Variants in IQGAP1 observed in about 807,000 individuals in gnomAD.
The protein encoded by IQGAP1 is ras GTPase-activating-like protein IQGAP1.
IQGAP1 carries 66 observed loss-of-function variants against 215.6 expected under a neutral mutation model. The observed-to-expected ratio is 0.31, with a 90% confidence interval of 0.25 to 0.38. The LOEUF (loss-of-function observed/expected upper bound fraction) is 0.38, where lower values mean the gene tolerates loss of function less well. IQGAP1 is among the 10% of genes least tolerant of loss of function. The pLI, the probability that IQGAP1 is intolerant of heterozygous loss-of-function variation, is 1.00. For synonymous variants in IQGAP1, 772 were observed against 728.7 expected, an observed-to-expected ratio of 1.06 and a Z score of -0.96; for missense variants, 1,712 against 1,997.1, an observed-to-expected ratio of 0.86 and a Z score of 2.72.
At chr15:90,450,301 A>AATAAT (rs1965583785) in intron 11 of IQGAP1, among the ~76,000 whole-genome samples, 1 of 138,986 alleles carries the variant, frequency 7.2e-6, no homozygotes, top group Admixed American at 7.2e-5. Flanking sequence ...TTTATGGCTG[A>AATAAT]ATAATATTCC....
chr15:90,436,335 C>T (rs1965370787), intron 5 of IQGAP1, among the ~76,000 whole-genome samples: 2 of 152,116 alleles, frequency 1.3e-5, no homozygotes, highest in African/African-American at 4.8e-5. Context: ...ATACCATATA[C>T]ACTGTAAATA....
At chr15:90,488,973 T>C (rs1239651278) in intron 33 of IQGAP1, among the ~76,000 whole-genome samples, 5 of 152,122 alleles carry the variant, frequency 3.3e-5, no homozygotes, top group Admixed American at 3.3e-4. Context: ...TTGAAGACCA[T>C]TTAATAAAAG....
chr15:90,442,143 C>T (rs117897970), intron 8 of IQGAP1, among the ~76,000 whole-genome samples: 122 of 152,212 alleles, frequency 8.0e-4, no homozygotes, highest in Admixed American at 1.6e-3. Flanking sequence ...TTCCCAGATT[C>T]TCTGGGGTAA....
At chr15:90,391,071 A>T (rs1964629021) in intron 2 of IQGAP1, 198 bp downstream of exon 2, 1 of 468,638 alleles carries the variant, frequency 2.1e-6, no homozygotes, top group Non-Finnish European at 3.9e-6. Flanking sequence ...CCCCATCTCT[A>T]CAAAAAAATT....
intron 9 of IQGAP1, 108 bp downstream of exon 9, chr15:90,443,586 C>T: frequency 3.1e-6 from 2 of 637,262 alleles, no homozygotes; most frequent in Admixed American, 3.1e-5. Context: ...TTTAGACATT[C>T]GTGGATTTGT....
chr15:90,477,872 T>C lies in IQGAP1; in HGVS notation c.3312T>C (p.Ser1104=), dbSNP rs1336670720. 6.2e-7 allele frequency: 1 copy of C among 1,609,588 alleles called. No homozygotes were observed. Among genetic ancestry groups the C allele is most frequent in the Non-Finnish European group, 8.5e-7 (1 of 1,175,792 alleles). ...AATCTTGGGTTAATCAGATGGAGTC[T>C]CAGACAGGAGAGGCAAGGTATGTTA... ...IYKSWVNQME[S]QTGEASKLPY... The change falls in exon 26 of 38, where the codon TCT becomes TCC. Residue 1104 remains serine (S), a synonymous_variant. Coordinates refer to ENST00000268182, the MANE Select transcript of IQGAP1 (RefSeq NM_003870.4).
At chr15:90,470,509 A>AGGGG (rs1182105514) in intron 18 of IQGAP1, among the ~76,000 whole-genome samples, 4 of 152,172 alleles carry the variant, frequency 2.6e-5, no homozygotes, top group African/African-American at 4.8e-5. Flanking sequence ...CTGTATTTTA[A>AGGGG]GTAGCAGCCT....
rs1413014443 is a variant in IQGAP1 at position 90,481,950 on chromosome 15, G to C, written c.3330-10G>C. 6.2e-7 allele frequency: 1 copy of C among 1,613,840 alleles called. No individual in the cohort carries two copies. The highest frequency in any genetic ancestry group is 1.3e-5 in the African/African-American group (1 of 74,924). On this transcript the variant is annotated splice_polypyrimidine_tract_variant and intron_variant, in intron 26 of 37. Transcript: ENST00000268182. ...TCTAACATAGTTGGGTATAATTTCT[G>C]TCTTCCCAGCAAACTGCCCTATGAT...
intron 8 of IQGAP1, 51 bp downstream of exon 8, chr15:90,441,735 T>C (rs750227948): frequency 1.4e-4 from 175 of 1,275,172 alleles, no homozygotes; most frequent in Non-Finnish European, 1.8e-4. Flanking sequence ...ATTCCGTCAT[T>C]TGATATGGCT....
intron 2 of IQGAP1, among the ~76,000 whole-genome samples, chr15:90,400,374 A>T (rs1285309005): frequency 6.6e-6 from 1 of 152,032 alleles, no homozygotes; most frequent in African/African-American, 2.4e-5. Flanking sequence ...GCTTTGTCCT[A>T]TTGTAGTTTA....
chr15:90,477,248 C>T lies in IQGAP1; in HGVS notation c.3104+18C>T, dbSNP rs780912497. The T allele has an allele frequency of 8.7e-6, 14 of 1,611,396 alleles. No individual in the cohort carries two copies. In the South Asian group the frequency reaches 9.9e-5, roughly 11 times the overall value. On this transcript the variant is annotated intron_variant, in intron 25 of 37. Transcript: ENST00000268182. ...GAAATCAAGTATGAACAGATTTCCT[C>T]AGGGCACAGGCCCCTTCCCACTATC...
intron 2 of IQGAP1, among the ~76,000 whole-genome samples, chr15:90,395,639 A>G (rs1187794460): frequency 6.6e-6 from 1 of 152,220 alleles, no homozygotes; most frequent in Non-Finnish European, 1.5e-5. Context: ...GCAGTTGTAT[A>G]GGAGCAATGA....
chr15:90,479,120 T>G (rs531566310), intron 26 of IQGAP1, among the ~76,000 whole-genome samples: 1 of 152,282 alleles, frequency 6.6e-6, no homozygotes, highest in Admixed American at 6.5e-5. Flanking sequence ...TGAAGCTCTC[T>G]GGGCATAGGT....
At chr15:90,392,829 C>T (rs1161582045) in intron 2 of IQGAP1, among the ~76,000 whole-genome samples, 3 of 141,324 alleles carry the variant, frequency 2.1e-5, no homozygotes, top group Admixed American at 1.6e-4. Context: ...ATTGCAACCT[C>T]CACCTCCCGG....
intron 15 of IQGAP1, among the ~76,000 whole-genome samples, chr15:90,457,527 A>G (rs776046553): frequency 2.7e-4 from 41 of 151,726 alleles, no homozygotes; most frequent in Non-Finnish European, 4.7e-4. Flanking sequence ...CCCAGGTTCA[A>G]GCAATTCTCC....
In IQGAP1 at chr15:90,474,219, T is replaced by C. The variant is rs547769710; in HGVS notation, c.2575+86T>C. 1,386 of 1,230,254 alleles carry C rather than the reference T, an allele frequency of 1.1e-3. 7 individuals are homozygous for C. Among genetic ancestry groups the C allele is most frequent in the Non-Finnish European group, 1.5e-3 (1,286 of 877,884 alleles). The allele number at this position is 1,230,254 out of a possible 1,614,324, so 76.2% of individuals were successfully genotyped here. ...TATTCTCCACAGACCTCTTTTGTTA[T>C]CCTGAAGGCAAGGCTTGGGGGAGAG... On this transcript the variant is annotated intron_variant, in intron 22 of 37. Transcript: ENST00000268182.
At position 90,482,045 on chromosome 15, in the gene IQGAP1, C is replaced by T. The variant is rs866472312; in HGVS notation, c.3415C>T (p.Arg1139Trp). 1.2e-6 allele frequency: 2 copies of T among 1,614,180 alleles called. No individual in the cohort carries two copies. Among genetic ancestry groups the T allele is most frequent in the East Asian group, 2.2e-5 (1 of 44,882 alleles). The part of the protein sequence containing the change: ...TRLDSSIRNM[R>W]AVTDKFLSAI... ...GCTAGACAGCTCCATCAGGAACATG[C>T]GGGCTGTGACAGACAAGTTTCTCTC... The change falls in exon 27 of 38, where the codon CGG becomes TGG. Residue 1139 changes from arginine (R) to tryptophan (W), a missense_variant. By Grantham distance (101) the Arg-to-Trp change is moderately radical. This residue lies in a region of IQGAP1 where 691 missense variants were observed against 923.0 expected (regional missense o/e 0.75). Transcript: ENST00000268182.
At chr15:90,465,366 C>T (rs1431164943) in intron 15 of IQGAP1, among the ~76,000 whole-genome samples, 2 of 152,200 alleles carry the variant, frequency 1.3e-5, no homozygotes, top group African/African-American at 4.8e-5. Flanking sequence ...TGGCCCTTGT[C>T]ACCCTGTTAA....
intron 19 of IQGAP1, 35 bp from the exon 20 acceptor site, chr15:90,473,680 A>G: frequency 7.0e-7 from 1 of 1,425,264 alleles, no homozygotes; most frequent in African/African-American, 1.4e-5. Flanking sequence ...ATGCTTGGGA[A>G]GTAATATGTC....
Sources: gnomAD v4.1 joint callset for allele counts (sites outside exome capture counted in the v4.1 genomes callset) on GRCh38, gnomAD v4.1.1 for gene constraint, gnomAD v4.1.1 regional missense constraint, MANE v1.5 for transcripts, NCBI Gene and HGNC (gene_info 2026-07-23, HGNC 2026-07-21) for gene names.